The following AXL variants were observed in gnomAD, a reference collection of about 807,000 sequenced individuals.
AXL encodes AXL receptor tyrosine kinase, also known as tyrosine-protein kinase receptor UFO.
A neutral mutation model predicts 104.5 loss-of-function variants in AXL; 52 were observed. The observed-to-expected ratio is 0.50, with a 90% CI of 0.40 to 0.63. The LOEUF is 0.63. Ranked by LOEUF, AXL falls within the 20% of genes least tolerant of loss-of-function variation. The pLI is 0.00. For missense variants in AXL, 1,024 were observed against 1,188.5 expected (o/e 0.86, Z 2.04); for synonymous variants, 455 against 473.7 (o/e 0.96, Z 0.51).
intron 15 of AXL, 35 bp downstream of exon 15, chr19:41,252,478 C>T (rs757398624): frequency 1.9e-6 from 3 of 1,601,602 alleles, no homozygotes; most frequent in Non-Finnish European, 1.7e-6. Context: ...GTCTACAAGC[C>T]CCATGGGGGC....
rs2122199487 is a variant in AXL at position 41,222,002 on chromosome 19, G to A, written c.532G>A (p.Val178Ile). 2.5e-6 allele frequency: 4 copies of A among 1,607,758 alleles called. No homozygotes were observed. The highest frequency in any genetic ancestry group is 8.5e-7 in the Non-Finnish European group (1 of 1,177,682). ...PVDLLWLQDA[V>I]PLATAPGHGP... is the part of the protein sequence containing the mutation. ...GGACCTACTCTGGCTCCAGGATGCT[G>A]TCCCCCTGGCCACGGCTCCAGGTCA... Residue 178 changes from valine (V) to isoleucine (I), a missense_variant, in exon 4 of 20, where the codon GTC becomes ATC. Val to Ile is a conservative substitution (Grantham distance 29). Coordinates refer to ENST00000301178, the MANE Select transcript of AXL (RefSeq NM_021913.5).
At chr19:41,248,901 A>G in intron 14 of AXL, 81 bp downstream of exon 14, 9 of 1,412,078 alleles carry the variant, frequency 6.4e-6, no homozygotes, top group Non-Finnish European at 7.6e-6. Context: ...AGTTAGCCAT[A>G]GCTTAGAACT....
chr19:41,230,657 G>A (rs538456378), intron 4 of AXL, among the ~76,000 whole-genome samples: 2 of 151,032 alleles, frequency 1.3e-5, no homozygotes, highest in Non-Finnish European at 3.0e-5. Context: ...TGTCTCTGGG[G>A]TGTAAGAATG....
In AXL at chr19:41,252,333, CT is replaced by C; in HGVS notation, c.1712-15del. 6.2e-7 allele frequency: 1 copy of C among 1,612,206 alleles called. No individual in the cohort carries two copies. Among genetic ancestry groups the C allele is most frequent in the Non-Finnish European group, 8.5e-7 (1 of 1,178,752 alleles). On this transcript the variant is annotated splice_polypyrimidine_tract_variant and intron_variant, in intron 14 of 19. Transcript: ENST00000301178. ...CCTCTCCTCCCCTCCTCCTCACGACCTTTCTCTCTCCCTCAAGTTGCCATCT... is the reference window on the plus strand; with the variant it reads ...CCTCTCCTCCCCTCCTCCTCACGACCTTCTCTCTCCCTCAAGTTGCCATCT...
rs1265471096 is a variant in AXL at position 41,239,187 on chromosome 19, G to C, written c.1158G>C (p.Arg386Ser). Residue 386 changes from arginine to serine, a missense_variant, in exon 9 of 20, where the codon AGG becomes AGC. Arg to Ser is a moderately radical substitution (Grantham distance 110). Coordinates refer to ENST00000301178, the MANE Select transcript of AXL (RefSeq NM_021913.5). ...TPEVLMDIGL[R>S]QEVTLELQGD... ...AGGTGCTAATGGACATAGGGCTAAG[G>C]CAAGAGGTGACCCTGGAGCTGCAGG... is the stretch of plus-strand genomic sequence containing the variant. 6.2e-7 allele frequency: 1 copy of C among 1,613,228 alleles called. No individual in the cohort carries two copies. Among genetic ancestry groups the C allele is most frequent in the African/African-American group, 1.3e-5 (1 of 74,766 alleles).
chr19:41,243,549 A>C, intron 11 of AXL, 67 bp from the exon 12 acceptor site: 1 of 1,254,216 alleles, frequency 8.0e-7, no homozygotes, highest in Admixed American at 1.7e-5. Flanking sequence ...TGCTTGCTCA[A>C]CTGCTGGTTG....
intron 17 of AXL, among the ~76,000 whole-genome samples, chr19:41,254,746 T>C (rs577506059): frequency 2.0e-5 from 3 of 152,126 alleles, no homozygotes; most frequent in Admixed American, 6.6e-5. Context: ...TAGTGAATCC[T>C]GTCTTTACAA....
At chr19:41,220,962 C>A in intron 2 of AXL, 104 bp downstream of exon 2, 1 of 1,379,748 alleles carries the variant, frequency 7.2e-7, no homozygotes, top group Non-Finnish European at 9.9e-7. Context: ...AGCCGTGCGG[C>A]TTTGAGCATG....
intron 10 of AXL, among the ~76,000 whole-genome samples, chr19:41,240,724 C>A (rs2034167679): frequency 6.6e-6 from 1 of 152,150 alleles, no homozygotes; most frequent in Admixed American, 6.5e-5. Flanking sequence ...TCCCACATGA[C>A]CCCAAAGGCC....
chr19:41,248,698 C>T (rs1038469825), intron 13 of AXL, 45 bp from the exon 14 acceptor site: 2 of 1,612,636 alleles, frequency 1.2e-6, no homozygotes, highest in African/African-American at 1.3e-5. Flanking sequence ...AAATACAGTC[C>T]CCACGGGCCC....
intron 10 of AXL, among the ~76,000 whole-genome samples, chr19:41,241,556 A>AAAAAG (rs2034182171): frequency 6.6e-6 from 1 of 151,062 alleles, no homozygotes; most frequent in Non-Finnish European, 1.5e-5. Context: ...AAAAAAAAAA[A>AAAAAG]AAAGAAAGAA....
chr19:41,238,346 C>G (rs2034118832), intron 7 of AXL, 124 bp from the exon 8 acceptor site: 1 of 1,507,666 alleles, frequency 6.6e-7, no homozygotes, highest in African/African-American at 1.4e-5. Flanking sequence ...TGCTTCCTCT[C>G]ATGGGAGGCC....
Position 41,238,097 on chromosome 19 carries a change from A to G in AXL, c.937A>G (p.Ser313Gly), listed in dbSNP as rs1427074477. The G allele has an allele frequency of 6.2e-7, 1 of 1,613,724 alleles. No homozygotes were observed. Among genetic ancestry groups the G allele is most frequent in the Non-Finnish European group, 8.5e-7 (1 of 1,179,936 alleles). ...TPYHIRVACT[S>G]SQGPSSWTHW... ...TTATCACATCCGCGTGGCATGCACC[A>G]GCAGCCAGGGCCCCTCATCCTGGAC... Residue 313 changes from serine (S) to glycine (G), a missense_variant, in exon 7 of 20, where the codon AGC becomes GGC. Coordinates refer to ENST00000301178, the MANE Select transcript of AXL (RefSeq NM_021913.5).
chr19:41,220,666 G>A lies in AXL; in HGVS notation c.116G>A (p.Gly39Asp), dbSNP rs1354956512. The A allele has an allele frequency of 1.2e-6, 2 of 1,601,176 alleles. No homozygotes were observed. The highest frequency in any genetic ancestry group is 2.3e-5 in the East Asian group (1 of 44,044). The part of the protein sequence containing the change: ...GTQAEESPFV[G>D]NPGNITGARG... ...CAGGCTGAAGAAAGTCCCTTCGTGG[G>A]CAACCCAGGGAATATCACAGGTGCC... Residue 39 changes from glycine to aspartate, a missense_variant, in exon 2 of 20, where the codon GGC (glycine) becomes GAC (aspartate). By Grantham distance (94) the Gly-to-Asp change is moderately conservative (BLOSUM62 -1). Around this residue, in one of 5 missense-constraint regions of AXL, gnomAD observed 124 missense variants for 115.5 expected, o/e 1.07. Coordinates refer to ENST00000301178, the MANE Select transcript of AXL (RefSeq NM_021913.5).
chr19:41,250,887 T>G (rs1231545409), intron 14 of AXL, among the ~76,000 whole-genome samples: 1 of 152,092 alleles, frequency 6.6e-6, no homozygotes, highest in Non-Finnish European at 1.5e-5. Flanking sequence ...TTGGCCTGGG[T>G]CTGAATCTCA....
At chr19:41,251,515 T>C (rs570859717) in intron 14 of AXL, among the ~76,000 whole-genome samples, 3 of 151,526 alleles carry the variant, frequency 2.0e-5, no homozygotes, top group African/African-American at 7.3e-5. Context: ...TGAGCCAAGA[T>C]TGCGCCATTG....
At chr19:41,244,546 C>G (rs2034239801) in intron 12 of AXL, among the ~76,000 whole-genome samples, 2 of 151,806 alleles carry the variant, frequency 1.3e-5, no homozygotes, top group African/African-American at 4.8e-5. Context: ...GTGGCACAAT[C>G]TCAGCTCACT....
intron 15 of AXL, among the ~76,000 whole-genome samples, 171 bp from the exon 16 acceptor site, chr19:41,252,675 C>T (rs914836832): frequency 6.6e-6 from 1 of 152,208 alleles, no homozygotes; most frequent in Non-Finnish European, 1.5e-5. Flanking sequence ...CCTGGGAACT[C>T]TGCTGGAAAC....
chr19:41,259,963 A>C lies in AXL; in HGVS notation c.*59A>C, dbSNP rs560302194. 1 of 1,434,208 alleles carries C rather than the reference A, an allele frequency of 7.0e-7. No individual in the cohort carries two copies. The highest frequency in any genetic ancestry group is 2.4e-5 in the East Asian group (1 of 41,526). The allele number at this position is 1,434,208 out of a possible 1,614,324, so 88.8% of individuals were successfully genotyped here. A position where few individuals can be genotyped will look rare whatever the true frequency, so the allele number is the denominator to read the frequency against. ...CCAAGCTAAGCACTGCCACTGGGGA[A>C]AACTCCACCTTCCCACTTTCCCACC... is the stretch of plus-strand genomic sequence containing the variant. On this transcript the variant is annotated 3_prime_UTR_variant, in exon 20 of 20. Transcript: ENST00000301178.
Sources: gnomAD v4.1 joint callset for allele counts (sites outside exome capture counted in the v4.1 genomes callset) on GRCh38, gnomAD v4.1.1 for gene constraint, gnomAD v4.1.1 regional missense constraint, MANE v1.5 for transcripts, NCBI Gene and HGNC (gene_info 2026-07-23, HGNC 2026-07-21) for gene names.